Variants in LPP observed in about 807,000 individuals in gnomAD.
The protein encoded by LPP is LIM domain containing preferred translocation partner in lipoma, also known as lipoma-preferred partner.
LPP carries 38 observed loss-of-function variants against 60.4 expected under a neutral mutation model. The ratio of observed to expected loss-of-function variants is 0.63; its 90% confidence interval spans 0.49 to 0.83. The LOEUF is 0.83. LPP is among the 40% of genes least tolerant of loss of function. LPP has a pLI of 0.00. For synonymous variants in LPP, 328 were observed against 290.8 expected (o/e 1.13, Z -1.30); for missense variants, 902 against 783.6 (o/e 1.15, Z -1.80).
intron 1 of LPP, among the ~76,000 whole-genome samples, chr3:188,158,362 C>T (rs1469599459): frequency 1.3e-5 from 2 of 152,082 alleles, no homozygotes; most frequent in African/African-American, 2.4e-5. Context: ...CTTGAGGGAA[C>T]ATATGAGGCG....
At chr3:188,815,384 G>T (rs1003957353) in intron 9 of LPP, among the ~76,000 whole-genome samples, 1 of 152,130 alleles carries the variant, frequency 6.6e-6, no homozygotes, top group Non-Finnish European at 1.5e-5. Context: ...AGATGTTCAA[G>T]GACTGTAGAG....
chr3:188,261,585 A>G (rs1733646033), intron 2 of LPP, among the ~76,000 whole-genome samples: 1 of 152,184 alleles, frequency 6.6e-6, no homozygotes, highest in African/African-American at 2.4e-5. Flanking sequence ...TATTTAAATC[A>G]TATATAGCTT....
At chr3:188,460,169 G>T (rs1472479538) in intron 4 of LPP, among the ~76,000 whole-genome samples, 1 of 152,054 alleles carries the variant, frequency 6.6e-6, no homozygotes, top group Non-Finnish European at 1.5e-5. Flanking sequence ...TCAGCTTTCT[G>T]GGACATGTCA....
chr3:188,718,763 C>A (rs1413542259), intron 8 of LPP, among the ~76,000 whole-genome samples: 1 of 152,186 alleles, frequency 6.6e-6, no homozygotes, highest in East Asian at 1.9e-4. Context: ...ACTTCTGTGA[C>A]AGGACATGGT....
At chr3:188,722,715 G>C (rs1716924036) in intron 8 of LPP, among the ~76,000 whole-genome samples, 1 of 152,130 alleles carries the variant, frequency 6.6e-6, no homozygotes. Context: ...TGAATTTCAG[G>C]TATTTCACTT....
intron 4 of LPP, among the ~76,000 whole-genome samples, chr3:188,484,011 T>G (rs980699709): frequency 6.6e-6 from 1 of 152,182 alleles, no homozygotes; most frequent in African/African-American, 2.4e-5. Context: ...GTGTCCCATG[T>G]TTTTCCTATG....
chr3:188,668,314 A>G (rs528552479), intron 7 of LPP, among the ~76,000 whole-genome samples: 4 of 152,324 alleles, frequency 2.6e-5, no homozygotes, highest in East Asian at 3.9e-4. Context: ...GACATGAACA[A>G]TGTACAATAG....
At chr3:188,179,295 C>T (rs769474728) in intron 1 of LPP, 8 of 458,392 alleles carry the variant, frequency 1.7e-5, no homozygotes, top group East Asian at 7.0e-5. Context: ...TTATCTGACC[C>T]GTGCATGTGC....
At chr3:188,753,753 T>A (rs1446691184) in intron 8 of LPP, among the ~76,000 whole-genome samples, 1 of 152,022 alleles carries the variant, frequency 6.6e-6, no homozygotes, top group Admixed American at 6.6e-5. Context: ...ATCCTTTTCT[T>A]GTTGCGAGTG....
At position 188,708,517 on chromosome 3, in the gene LPP, T is replaced by C. The variant is rs1282172036; in HGVS notation, c.1240+124T>C. ...GAGTCCAGATGCATGAGAGTTGATA[T>C]ACATCCCCGCACAACTAAGTAATTG... On this transcript the variant is annotated intron_variant, in intron 8 of 11. Coordinates refer to ENST00000617246, the MANE Select transcript of LPP (RefSeq NM_001375462.1). 6 of 1,263,684 alleles carry C rather than the reference T, an allele frequency of 4.7e-6. No individual in the cohort carries two copies. The African/African-American group carries it at 5.9e-5, about 12-fold the overall frequency. The allele number at this position is 1,263,684 out of a possible 1,614,324, so 78.3% of individuals were successfully genotyped here. A position where few individuals can be genotyped will look rare whatever the true frequency, so the allele number is the denominator to read the frequency against.
intron 4 of LPP, among the ~76,000 whole-genome samples, chr3:188,406,560 AC>A (rs1445954623): frequency 6.6e-6 from 1 of 152,140 alleles, no homozygotes; most frequent in Non-Finnish European, 1.5e-5. Context: ...CAAACTAGAA[AC>A]CTGGCCTCTT....
chr3:188,375,059 A>G (rs1370125758), intron 3 of LPP, among the ~76,000 whole-genome samples: 1 of 152,160 alleles, frequency 6.6e-6, no homozygotes, highest in Non-Finnish European at 1.5e-5. Flanking sequence ...GATGAAACCC[A>G]CTTGATCATG....
At chr3:188,592,510 T>C (rs1019378890) in intron 6 of LPP, among the ~76,000 whole-genome samples, 2 of 151,688 alleles carry the variant, frequency 1.3e-5, no homozygotes, top group African/African-American at 4.8e-5. Flanking sequence ...TTGTTATTAC[T>C]TCTCATATTT....
At chr3:188,243,776 A>G (rs1022491061) in intron 2 of LPP, among the ~76,000 whole-genome samples, 6 of 152,066 alleles carry the variant, frequency 3.9e-5, no homozygotes, top group African/African-American at 1.4e-4. Context: ...TCTGGGTGTA[A>G]TTTCTTCACT....
intron 6 of LPP, among the ~76,000 whole-genome samples, chr3:188,574,873 T>C (rs1385626467): frequency 6.6e-6 from 1 of 152,268 alleles, no homozygotes; most frequent in East Asian, 1.9e-4. Flanking sequence ...CCCTTCAAAC[T>C]GCTCACTTTT....
intron 6 of LPP, among the ~76,000 whole-genome samples, chr3:188,552,058 C>G (rs1303602866): frequency 1.3e-5 from 2 of 152,114 alleles, no homozygotes; most frequent in Non-Finnish European, 1.5e-5. Flanking sequence ...TCTGTGGGAC[C>G]TTCCCATCCT....
intron 1 of LPP, among the ~76,000 whole-genome samples, chr3:188,223,333 G>T (rs1206433668): frequency 6.6e-6 from 1 of 152,114 alleles, no homozygotes; most frequent in Non-Finnish European, 1.5e-5. Context: ...GGGGATAAAT[G>T]GATGTTAAAA....
chr3:188,482,210 C>T (rs1804987518), intron 4 of LPP, among the ~76,000 whole-genome samples: 1 of 152,140 alleles, frequency 6.6e-6, no homozygotes, highest in African/African-American at 2.4e-5. Context: ...GTCAAGGCTG[C>T]AGAACTGTGA....
At chr3:188,860,091 C>G (rs1008489863) in intron 9 of LPP, among the ~76,000 whole-genome samples, 3 of 151,332 alleles carry the variant, frequency 2.0e-5, no homozygotes, top group African/African-American at 7.3e-5. Context: ...ATAAAAAGTT[C>G]ATGTCTCACA....
Sources: gnomAD v4.1 joint callset for allele counts (sites outside exome capture counted in the v4.1 genomes callset) on GRCh38, gnomAD v4.1.1 for gene constraint, MANE v1.5 for transcripts, NCBI Gene and HGNC (gene_info 2026-07-23, HGNC 2026-07-21) for gene names.